CHODL: variants seen among roughly 807,000 people sequenced by gnomAD.
CHODL encodes transmembrane protein MT75.
In CHODL, 29 loss-of-function variants were observed where a neutral mutation model predicts 34.5. That is an observed-to-expected ratio of 0.84 (90% CI 0.63 to 1.15). The LOEUF (loss-of-function observed/expected upper bound fraction) is 1.15, where lower values mean the gene tolerates loss of function less well. Among genes scored for constraint, CHODL ranks in the 50% most tolerant of loss-of-function variants. The pLI, the probability that CHODL is intolerant of heterozygous loss-of-function variation, is 0.00. For missense variants in CHODL, 332 were observed against 332.5 expected (o/e 1.00, Z 0.01); for synonymous variants, 125 against 116.1 (o/e 1.08, Z -0.49).
upstream of CHODL, among the ~76,000 whole-genome samples, chr21:18,243,976 G>C (rs1009660524): frequency 3.3e-5 from 5 of 152,184 alleles, no homozygotes; most frequent in African/African-American, 1.2e-4. Context: ...AACATTTTCA[G>C]AGTTCATACT....
intron 2 of CHODL, among the ~76,000 whole-genome samples, chr21:18,079,559 A>G (rs2064910853): frequency 6.7e-6 from 1 of 150,256 alleles, no homozygotes; most frequent in Non-Finnish European, 1.5e-5. Flanking sequence ...TGATAAATAT[A>G]AAACTTGTAT....
At chr21:18,001,812 T>C (rs954537556) in intron 1 of CHODL, among the ~76,000 whole-genome samples, 1 of 149,690 alleles carries the variant, frequency 6.7e-6, no homozygotes, top group Non-Finnish European at 1.5e-5. Context: ...CCCACAATCC[T>C]GTTACCATAG....
rs867260511 is a variant in CHODL at position 17,976,058 on chromosome 21, C to T, written c.-144-51814C>T. 2.0e-5 allele frequency among the ~76,000 whole-genome samples: 3 copies of T among 151,886 alleles called. No homozygotes were observed. The South Asian group carries it at 6.2e-4, about 32-fold the overall frequency. ...TAGGCTTTGTTAATATGACGAAACT[C>T]TAAAATTAATGGATTAAAAGACACA... On this transcript the variant is annotated intron_variant, in intron 1 of 6. Coordinates refer to the CHODL transcript ENST00000400127.
chr21:18,128,729 G>GT (rs973045719), intron 2 of CHODL, among the ~76,000 whole-genome samples: 17 of 151,658 alleles, frequency 1.1e-4, no homozygotes, highest in African/African-American at 2.2e-4. Context: ...GTCTTAATCT[G>GT]TTTTTTTTCT....
chr21:17,929,494 A>G (rs978867937), intron 1 of CHODL, among the ~76,000 whole-genome samples: 37 of 152,238 alleles, frequency 2.4e-4, no homozygotes, highest in African/African-American at 8.7e-4. Context: ...GCACAACGGA[A>G]TTCATCAGAG....
In CHODL at chr21:17,936,419, C is replaced by A. The variant is rs540379390; in HGVS notation, c.-145+19019C>A. Among the ~76,000 whole-genome samples, 76 of 150,526 alleles carry A rather than the reference C, an allele frequency of 5.0e-4. 1 individual carries two copies. In the South Asian group the frequency reaches 0.016, roughly 31 times the overall value. On this transcript the variant is annotated intron_variant, in intron 1 of 6. Coordinates refer to the CHODL transcript ENST00000400127. ...AGATTTTTAATAGGTGGGAGAGAGA[C>A]CCTTAAATCCTTTTTATGAAATTAA...
intron 2 of CHODL, among the ~76,000 whole-genome samples, chr21:18,137,458 A>G (rs1003625277): frequency 6.6e-6 from 1 of 152,190 alleles, no homozygotes; most frequent in Non-Finnish European, 1.5e-5. Flanking sequence ...TCATTTACCT[A>G]CTTAGAGCGT....
intron 1 of CHODL, among the ~76,000 whole-genome samples, chr21:17,961,073 G>A (rs1054216173): frequency 5.3e-5 from 8 of 151,922 alleles, no homozygotes; most frequent in Non-Finnish European, 7.4e-5. Context: ...CCTATATTCC[G>A]AGTGCCTAAT....
chr21:18,004,974 C>A (rs1011315583), intron 1 of CHODL, among the ~76,000 whole-genome samples: 1 of 152,162 alleles, frequency 6.6e-6, no homozygotes, highest in African/African-American at 2.4e-5. Flanking sequence ...TTATTAGTTG[C>A]CAAATACTAT....
intron 1 of CHODL, among the ~76,000 whole-genome samples, chr21:17,942,652 C>T (rs1328461026): frequency 6.6e-6 from 1 of 152,050 alleles, no homozygotes; most frequent in African/African-American, 2.4e-5. Flanking sequence ...CTTAAAGATA[C>T]CACAAAAATT....
At chr21:18,005,622 T>G (rs1394745) in intron 1 of CHODL, among the ~76,000 whole-genome samples, 28,449 of 152,190 alleles carry the variant, frequency 0.19, 3,776 homozygotes, top group African/African-American at 0.37. Flanking sequence ...ACATCTTTTG[T>G]GTAAGTCATG....
rs11294493 is a variant in CHODL, at chr21:17,936,464, T to TAA, written c.-145+19077_-145+19078dup. Among the ~76,000 whole-genome samples the TAA allele has an allele frequency of 2.7e-4, 39 of 143,260 alleles. No homozygotes were observed. In the East Asian group the frequency reaches 3.1e-3, roughly 11 times the overall value. 94.0% of individuals were successfully genotyped at this position (143,260 alleles called of 152,430 possible). ...AATTAAAGATAGTATAAGATGATGT[T>TAA]AAAAAAAAAAAAAAGAATCATCAGA... On this transcript the variant is annotated intron_variant, in intron 1 of 6. Coordinates refer to the CHODL transcript ENST00000400127.
chr21:18,222,113 T>G (rs1473843652), intron 2 of CHODL, among the ~76,000 whole-genome samples: 1 of 151,818 alleles, frequency 6.6e-6, no homozygotes, highest in Non-Finnish European at 1.5e-5. Context: ...TGGAGGGAGG[T>G]AGGTTTGCTT....
Position 18,234,009 on chromosome 21 carries a change from C to A in CHODL, c.-44-22500C>A, listed in dbSNP as rs2074006045. Among the ~76,000 whole-genome samples the A allele has an allele frequency of 2.6e-5, 4 of 152,058 alleles. No homozygotes were observed. The South Asian group carries it at 8.3e-4, about 32-fold the overall frequency. On this transcript the variant is annotated intron_variant, in intron 2 of 6. Coordinates refer to the CHODL transcript ENST00000400127. ...ACACAATGAATCAATAGAGCATTAA[C>A]TTCTTAAAATGCTGGAATAAAGAAA...
intron 1 of CHODL, among the ~76,000 whole-genome samples, chr21:17,979,874 A>C (rs968362310): frequency 6.6e-6 from 1 of 152,184 alleles, no homozygotes; most frequent in Non-Finnish European, 1.5e-5. Flanking sequence ...GAATAACTTT[A>C]TCTCTATTCC....
At chr21:18,210,478 A>G (rs2073760846) in intron 2 of CHODL, among the ~76,000 whole-genome samples, 1 of 152,170 alleles carries the variant, frequency 6.6e-6, no homozygotes, top group Non-Finnish European at 1.5e-5. Context: ...CTTGGTTCTT[A>G]TGAAGGTGCT....
At chr21:18,255,863 A>C (rs2146810559) in intron 1 of CHODL, among the ~76,000 whole-genome samples, 1 of 152,232 alleles carries the variant, frequency 6.6e-6, no homozygotes, top group Non-Finnish European at 1.5e-5. Context: ...GAAAATACTC[A>C]AAAAATTGGT....
At chr21:18,055,226 G>T (rs941951400) in intron 2 of CHODL, among the ~76,000 whole-genome samples, 6 of 151,814 alleles carry the variant, frequency 4.0e-5, no homozygotes, top group Non-Finnish European at 5.9e-5. Context: ...CTTATATAGA[G>T]AATTTAAATA....
intron 1 of CHODL, among the ~76,000 whole-genome samples, chr21:17,953,630 A>G (rs2046918482): frequency 6.6e-6 from 1 of 152,228 alleles, no homozygotes; most frequent in East Asian, 1.9e-4. Context: ...CTACATAAAT[A>G]ATTACATTAA....
Sources: gnomAD v4.1 joint callset for allele counts (sites outside exome capture counted in the v4.1 genomes callset) on GRCh38, gnomAD v4.1.1 for gene constraint, MANE v1.5 for transcripts, NCBI Gene and HGNC (gene_info 2026-07-23, HGNC 2026-07-21) for gene names.